GPATCH2: variants seen among roughly 807,000 people sequenced by gnomAD.
The protein encoded by GPATCH2 is G patch domain-containing protein 2.
Under a neutral mutation model 58.0 loss-of-function variants are expected in GPATCH2, and 51 were observed. That is an observed-to-expected ratio of 0.88 (90% CI 0.70 to 1.11). The LOEUF (loss-of-function observed/expected upper bound fraction) is 1.11. Among genes scored for constraint, GPATCH2 ranks in the 50% most tolerant of loss-of-function variants. GPATCH2 has a pLI of 0.00. For missense variants in GPATCH2, 625 were observed against 652.2 expected (o/e 0.96, Z 0.45); for synonymous variants, 222 against 218.5 (o/e 1.02, Z -0.14).
intron 2 of GPATCH2, among the ~76,000 whole-genome samples, chr1:217,619,480 T>C (rs945582485): frequency 1.3e-5 from 2 of 152,140 alleles, no homozygotes; most frequent in African/African-American, 4.8e-5. Flanking sequence ...CAATTCTGAG[T>C]TACAAACGTG....
intron 9 of GPATCH2, among the ~76,000 whole-genome samples, chr1:217,436,619 T>C (rs1477668821): frequency 6.6e-6 from 1 of 152,238 alleles, no homozygotes; most frequent in African/African-American, 2.4e-5. Context: ...GCACTTTGTA[T>C]ATGGACAATA....
At chr1:217,550,047 A>G (rs17722500) in intron 5 of GPATCH2, among the ~76,000 whole-genome samples, 2,733 of 152,218 alleles carry the variant, frequency 0.018, 39 homozygotes, top group Middle Eastern at 0.089. Flanking sequence ...AAATACCAAT[A>G]TCTACACTTC....
chr1:217,614,817 T>C lies in GPATCH2; in HGVS notation c.774-615A>G, dbSNP rs368544482. Among the ~76,000 whole-genome samples, 27 of 146,806 alleles carry C rather than the reference T, an allele frequency of 1.8e-4. No homozygotes were observed. The East Asian group carries it at 4.9e-3, about 27-fold the overall frequency. ...AATATTACAAATATTAAGGAGGGAG[T>C]GTGTACATATATTCCCACAGAAGCT... On this transcript the variant is annotated intron_variant, in intron 2 of 9. Coordinates refer to ENST00000366935, the MANE Select transcript of GPATCH2 (RefSeq NM_018040.5).
chr1:217,459,371 G>A (rs556392760), intron 8 of GPATCH2, among the ~76,000 whole-genome samples: 160 of 152,182 alleles, frequency 1.1e-3, no homozygotes, highest in African/African-American at 3.7e-3. Flanking sequence ...AATTCATTTC[G>A]CCTGAACTGA....
intron 5 of GPATCH2, among the ~76,000 whole-genome samples, chr1:217,557,275 C>T (rs1571913532): frequency 6.6e-6 from 1 of 151,842 alleles, no homozygotes; most frequent in Admixed American, 6.6e-5. Flanking sequence ...GGCGTGGTGG[C>T]GGGTGCCTGC....
At chr1:217,591,118 A>G (rs879283608) in intron 5 of GPATCH2, among the ~76,000 whole-genome samples, 3 of 152,220 alleles carry the variant, frequency 2.0e-5, no homozygotes, top group Non-Finnish European at 4.4e-5. Flanking sequence ...ATAGTGGTAC[A>G]AAAGAAAGTA....
chr1:217,431,669 T>C (rs928865840), intron 9 of GPATCH2, among the ~76,000 whole-genome samples: 1 of 152,214 alleles, frequency 6.6e-6, no homozygotes, highest in Non-Finnish European at 1.5e-5. Context: ...CAGAACTTTG[T>C]AGGACAGATG....
intron 5 of GPATCH2, among the ~76,000 whole-genome samples, chr1:217,556,441 A>G (rs114548755): frequency 0.011 from 1,682 of 152,220 alleles, 34 homozygotes; most frequent in African/African-American, 0.038. Context: ...CAATCTTTAA[A>G]CTTTTTATAA....
intron 6 of GPATCH2, among the ~76,000 whole-genome samples, chr1:217,512,570 A>G (rs970026545): frequency 1.3e-5 from 2 of 152,234 alleles, no homozygotes; most frequent in Non-Finnish European, 2.9e-5. Flanking sequence ...GCTGGAGGCC[A>G]TGGCTTTGAA....
rs764517877 is a variant in GPATCH2 at position 217,620,199 on chromosome 1, G to T, written c.357C>A (p.Asp119Glu). The part of the protein sequence containing the change: ...NNKKDHSDSD[D>E]QMLVAKRRPS... Reference sequence around the variant, plus strand: ...GCCTGCGCTTTGCTACTAACATTTGGTCATCAGAGTCACTGTGATCTTTTT... The same window carrying T: ...GCCTGCGCTTTGCTACTAACATTTGTTCATCAGAGTCACTGTGATCTTTTT... Residue 119 changes from aspartate to glutamate, a missense_variant, in exon 2 of 10, where the codon GAC becomes GAA. Physicochemically the swap from Asp to Glu is conservative, Grantham distance 45 (BLOSUM62 2). Coordinates refer to ENST00000366935, the MANE Select transcript of GPATCH2 (RefSeq NM_018040.5). The T allele has an allele frequency of 6.2e-7, 1 of 1,613,916 alleles. No individual in the cohort carries two copies. Among genetic ancestry groups the T allele is most frequent in the East Asian group, 2.2e-5 (1 of 44,884 alleles).
chr1:217,517,481 A>T (rs1663225246), intron 5 of GPATCH2, among the ~76,000 whole-genome samples: 1 of 152,150 alleles, frequency 6.6e-6, no homozygotes, highest in African/African-American at 2.4e-5. Flanking sequence ...TGGCTTATGG[A>T]AAGCAGTGTT....
At chr1:217,587,343 AC>A (rs1340155236) in intron 5 of GPATCH2, among the ~76,000 whole-genome samples, 2 of 152,160 alleles carry the variant, frequency 1.3e-5, no homozygotes, top group Non-Finnish European at 2.9e-5. Context: ...TGTTTCCCAG[AC>A]AAACTGTACC....
intron 5 of GPATCH2, among the ~76,000 whole-genome samples, chr1:217,596,666 A>G (rs1338597625): frequency 6.6e-6 from 1 of 152,194 alleles, no homozygotes; most frequent in Admixed American, 6.5e-5. Context: ...ATAATGAAAT[A>G]TTATACTGCC....
intron 8 of GPATCH2, among the ~76,000 whole-genome samples, chr1:217,473,418 T>TA (rs1050867903): frequency 1.3e-5 from 2 of 151,956 alleles, no homozygotes; most frequent in Non-Finnish European, 2.9e-5. Context: ...GTAGTTTTTT[T>TA]AAAAAAATAA....
At chr1:217,523,334 T>G (rs1663574816) in intron 5 of GPATCH2, among the ~76,000 whole-genome samples, 1 of 151,664 alleles carries the variant, frequency 6.6e-6, no homozygotes, top group Admixed American at 6.5e-5. Context: ...TCCGCAGTGT[T>G]TGTGTCCCTG....
intron 5 of GPATCH2, among the ~76,000 whole-genome samples, chr1:217,524,875 AGG>A (rs1663769021): frequency 9.2e-4 from 1 of 1,088 alleles, no homozygotes; most frequent in Admixed American, 9.8e-3. Flanking sequence ...GAGAGGGGAG[AGG>A]GGGGAGGGGG....
rs994733854 is a variant in GPATCH2, at chr1:217,451,584, T to A, written c.1278-2247A>T. Among the ~76,000 whole-genome samples the A allele has an allele frequency of 1.3e-5, 2 of 152,190 alleles. 1 individual carries two copies. The highest frequency in any genetic ancestry group is 1.3e-4 in the Admixed American group (2 of 15,276). On this transcript the variant is annotated intron_variant, in intron 8 of 9. Transcript: ENST00000366935. The stretch of plus-strand genomic sequence containing the variant: ...ATCTTTAACACATACCCACTTTATA[T>A]CCATATGAGAGTCATAATATTACCT...
chr1:217,496,614 A>C, intron 7 of GPATCH2, among the ~76,000 whole-genome samples: 1 of 152,182 alleles, frequency 6.6e-6, no homozygotes, highest in South Asian at 2.1e-4. Context: ...AGCTTCATTC[A>C]GGCATGAGTT....
At chr1:217,522,321 A>G (rs1341113255) in intron 5 of GPATCH2, among the ~76,000 whole-genome samples, 1 of 152,182 alleles carries the variant, frequency 6.6e-6, no homozygotes, top group Non-Finnish European at 1.5e-5. Context: ...AATAATTCAA[A>G]AACAAATACA....
Sources: gnomAD v4.1 joint callset for allele counts (sites outside exome capture counted in the v4.1 genomes callset) on GRCh38, gnomAD v4.1.1 for gene constraint, MANE v1.5 for transcripts, NCBI Gene and HGNC (gene_info 2026-07-23, HGNC 2026-07-21) for gene names.